The following GRM5 variants were observed in gnomAD, a reference collection of about 807,000 sequenced individuals.
GRM5 encodes glutamate metabotropic receptor 5.
GRM5 carries 19 observed loss-of-function variants against 83.1 expected under a neutral mutation model. The ratio of observed to expected loss-of-function variants is 0.23; its 90% CI spans 0.16 to 0.34. The LOEUF (loss-of-function observed/expected upper bound fraction) is 0.34, where lower values mean the gene tolerates loss of function less well. Among genes scored for constraint, GRM5 ranks in the 10% least tolerant of loss-of-function variants. The probability of loss-of-function intolerance (pLI) is 1.00; values close to 1 mark genes in which losing one functional copy is unlikely to be tolerated. For synonymous variants in GRM5, 675 were observed against 633.6 expected (o/e 1.07, Z -0.98); for missense variants, 1,160 against 1,588.3 (o/e 0.73, Z 4.58).
chr11:88,814,327 A>G (rs1943633697), intron 3 of GRM5, among the ~76,000 whole-genome samples: 1 of 152,082 alleles, frequency 6.6e-6, no homozygotes, highest in African/African-American at 2.4e-5. Context: ...AGAGAAGAGG[A>G]CTCTGACAAT....
In GRM5 at chr11:88,506,854, T is replaced by TA. The variant is rs1242303522; in HGVS notation, c.*1737dup. On this transcript the variant is annotated 3_prime_UTR_variant, in exon 10 of 10. Coordinates refer to ENST00000305447, the MANE Select transcript of GRM5 (RefSeq NM_001143831.3). ...TAGATGTGAAATAAAAAAAAATACT[T>TA]ACCAAAGTAAGGATATTGAGCTAAA... 1 of 152,120 alleles carries TA rather than the reference T, an allele frequency of 6.6e-6. No homozygotes were observed. Among genetic ancestry groups the TA allele is most frequent in the African/African-American group, 2.4e-5 (1 of 41,414 alleles). 9.4% of individuals were successfully genotyped at this position (152,120 alleles called of 1,614,324 possible).
intron 2 of GRM5, among the ~76,000 whole-genome samples, chr11:88,852,239 T>C (rs888888840): frequency 2.6e-5 from 4 of 152,188 alleles, no homozygotes; most frequent in Non-Finnish European, 5.9e-5. Context: ...TTATATAATA[T>C]GTTGTAGAGA....
At chr11:88,727,146 T>G (rs577624991) in intron 3 of GRM5, among the ~76,000 whole-genome samples, 10 of 152,090 alleles carry the variant, frequency 6.6e-5, no homozygotes, top group Non-Finnish European at 1.3e-4. Flanking sequence ...AGGAGACCCA[T>G]CTCATGTGCA....
At chr11:88,703,202 C>A (rs1353150924) in intron 3 of GRM5, among the ~76,000 whole-genome samples, 1 of 151,938 alleles carries the variant, frequency 6.6e-6, no homozygotes, top group Non-Finnish European at 1.5e-5. Flanking sequence ...CCCTTTCTGT[C>A]CCATGTTGTA....
At chr11:88,989,881 T>G (rs140249619) in intron 2 of GRM5, among the ~76,000 whole-genome samples, 1 of 151,920 alleles carries the variant, frequency 6.6e-6, no homozygotes, top group Non-Finnish European at 1.5e-5. Flanking sequence ...GGGAAATTTA[T>G]AGCACTAAAT....
chr11:88,714,859 A>G (rs1030107829), intron 3 of GRM5, among the ~76,000 whole-genome samples: 1 of 151,970 alleles, frequency 6.6e-6, no homozygotes, highest in Non-Finnish European at 1.5e-5. Context: ...TTCCACTAGC[A>G]CTGCATGAAA....
chr11:88,518,316 C>CT (rs1248545587), intron 9 of GRM5, among the ~76,000 whole-genome samples: 2 of 151,754 alleles, frequency 1.3e-5, no homozygotes, highest in Non-Finnish European at 2.9e-5. Flanking sequence ...ATTAGTTAAT[C>CT]TTTTTGGTTT....
chr11:88,761,178 A>G (rs141269945), intron 3 of GRM5, among the ~76,000 whole-genome samples: 109 of 152,260 alleles, frequency 7.2e-4, no homozygotes, highest in Middle Eastern at 3.4e-3. Context: ...CCTATTCACC[A>G]TAGTATTCGA....
chr11:88,846,139 T>G (rs1290715744), intron 3 of GRM5, among the ~76,000 whole-genome samples: 1 of 152,334 alleles, frequency 6.6e-6, no homozygotes, highest in East Asian at 1.9e-4. Flanking sequence ...TCTCAAATTA[T>G]TCAAATAAAG....
intron 3 of GRM5, among the ~76,000 whole-genome samples, chr11:88,663,292 G>A (rs886347792): frequency 2.6e-5 from 4 of 152,134 alleles, no homozygotes; most frequent in Non-Finnish European, 5.9e-5. Flanking sequence ...AGGATGGCAG[G>A]CATTATCTCC....
intron 1 of GRM5, among the ~76,000 whole-genome samples, chr11:89,059,844 T>C (rs1335061804): frequency 3.9e-5 from 6 of 152,162 alleles, no homozygotes; most frequent in Admixed American, 3.9e-4. Flanking sequence ...CATATGTCTA[T>C]GTGTGCCATG....
At chr11:88,540,046 C>A (rs78708343) in intron 8 of GRM5, among the ~76,000 whole-genome samples, 4 of 152,172 alleles carry the variant, frequency 2.6e-5, no homozygotes, top group African/African-American at 9.7e-5. Context: ...AGCAACTCAA[C>A]AAGTGAAATG....
rs575428235 is a variant in GRM5 at position 88,760,801 on chromosome 11, A to G, written c.911+89105T>C. On this transcript the variant is annotated intron_variant, in intron 3 of 9. Coordinates refer to ENST00000305447, the MANE Select transcript of GRM5 (RefSeq NM_001143831.3). ...ACCCTTCATGAACATTGATGCAAAA[A>G]TCCTCAACAAAATACTAGCAAACCA... Among the ~76,000 whole-genome samples, 16 of 152,282 alleles carry G rather than the reference A, an allele frequency of 1.1e-4. 1 individual carries two copies. The highest frequency in any genetic ancestry group is 3.8e-4 in the African/African-American group (16 of 41,584).
At chr11:88,981,426 T>C (rs1939518255) in intron 2 of GRM5, among the ~76,000 whole-genome samples, 2 of 152,282 alleles carry the variant, frequency 1.3e-5, no homozygotes, top group Non-Finnish European at 2.9e-5. Flanking sequence ...TAAAGTTAAA[T>C]TTTTAAATGG....
chr11:88,598,295 T>C (rs916082544), intron 5 of GRM5, among the ~76,000 whole-genome samples: 2 of 152,116 alleles, frequency 1.3e-5, no homozygotes, highest in African/African-American at 4.8e-5. Flanking sequence ...GTTCTCGCTT[T>C]TGGATTCAAG....
chr11:88,943,485 T>C (rs972744330), intron 2 of GRM5, among the ~76,000 whole-genome samples: 1 of 152,042 alleles, frequency 6.6e-6, no homozygotes, highest in Non-Finnish European at 1.5e-5. Flanking sequence ...TACATATCTA[T>C]GGAAGCATAT....
chr11:88,585,059 T>G (rs1338971168), intron 7 of GRM5, among the ~76,000 whole-genome samples: 1 of 152,192 alleles, frequency 6.6e-6, no homozygotes, highest in Non-Finnish European at 1.5e-5. Flanking sequence ...GGTGCCCTTC[T>G]TAGACCTGGA....
intron 2 of GRM5, among the ~76,000 whole-genome samples, chr11:88,851,044 A>G (rs1944381866): frequency 6.6e-6 from 1 of 152,142 alleles, no homozygotes; most frequent in Non-Finnish European, 1.5e-5. Flanking sequence ...CTTGAGTTAC[A>G]CTAGCAGTAA....
At chr11:88,973,882 T>C (rs1329224297) in intron 2 of GRM5, among the ~76,000 whole-genome samples, 1 of 152,126 alleles carries the variant, frequency 6.6e-6, no homozygotes, top group Non-Finnish European at 1.5e-5. Context: ...AAATTTTAAA[T>C]TACCGAATAA....
Sources: allele counts gnomAD v4.1 joint callset (sites outside exome capture counted in the v4.1 genomes callset), GRCh38; gene constraint gnomAD v4.1.1; transcripts MANE v1.5; gene names NCBI Gene and HGNC (gene_info 2026-07-23, HGNC 2026-07-21).